RNF213: variants seen among roughly 807,000 people sequenced by gnomAD.
RNF213 encodes E3 ubiquitin-protein ligase RNF213.
A neutral mutation model predicts 514.4 loss-of-function variants in RNF213; 341 were observed. That is an observed-to-expected ratio of 0.66 (90% CI 0.61 to 0.73). The LOEUF is 0.73. Among genes scored for constraint, RNF213 ranks in the 30% least tolerant of loss-of-function variants. RNF213 has a pLI of 0.00. For missense variants in RNF213, 5,767 were observed against 6,615.6 expected (o/e 0.87, Z 4.45); for synonymous variants, 2,655 against 2,658.2 (o/e 1.00, Z 0.04).
chr17:80,385,269 G>T, intron 60 of RNF213, 98 bp downstream of exon 60: 1 of 1,405,004 alleles, frequency 7.1e-7, no homozygotes, highest in African/African-American at 1.4e-5. Flanking sequence ...GGGAGGAGGC[G>T]CTGATGGGTG....
rs372461542 is a variant in RNF213 at position 80,308,998 on chromosome 17, C to G, written c.2502-20C>G. ...CTCCTAAATCCTTGCCGGGATTTCT[C>G]TTAACTCTTTGCGGGGCAGGATTCC... On this transcript the variant is annotated intron_variant, in intron 13 of 67. Coordinates refer to ENST00000582970, the MANE Select transcript of RNF213 (RefSeq NM_001256071.3). The G allele has an allele frequency of 4.2e-5, 68 of 1,613,424 alleles. No homozygotes were observed. The highest frequency in any genetic ancestry group is 5.6e-5 in the Non-Finnish European group (66 of 1,179,930).
At chr17:80,383,994 C>T (rs1555680156) in intron 59 of RNF213, 66 bp downstream of exon 59, 2 of 1,590,928 alleles carry the variant, frequency 1.3e-6, no homozygotes, top group Non-Finnish European at 1.7e-6. Context: ...GCCTGAAGGC[C>T]CTGGGCTTTT....
At chr17:80,283,394 C>T (rs138036703) in intron 3 of RNF213, among the ~76,000 whole-genome samples, 19 of 152,316 alleles carry the variant, frequency 1.2e-4, no homozygotes, top group African/African-American at 3.6e-4. Flanking sequence ...TCTGGGATGG[C>T]GGCTTGAGGG....
intron 44 of RNF213, 71 bp downstream of exon 44, chr17:80,368,214 A>G: frequency 6.6e-7 from 1 of 1,517,696 alleles, no homozygotes. Context: ...CAATATTCAG[A>G]AATATAAACT....
chr17:80,301,620 T>C, intron 11 of RNF213, among the ~76,000 whole-genome samples: 1 of 152,168 alleles, frequency 6.6e-6, no homozygotes, highest in Non-Finnish European at 1.5e-5. Context: ...TTAGAATAGC[T>C]GTGATCAAAA....
intron 16 of RNF213, 94 bp from the exon 17 acceptor site, chr17:80,319,096 A>G: frequency 1.2e-6 from 2 of 1,610,626 alleles, no homozygotes; most frequent in African/African-American, 2.7e-5. Context: ...GTAAAACAGC[A>G]GGAAAGTAAA....
intron 23 of RNF213, 74 bp from the exon 24 acceptor site, chr17:80,337,512 G>T: frequency 2.7e-6 from 4 of 1,507,362 alleles, no homozygotes; most frequent in Non-Finnish European, 3.5e-6. Flanking sequence ...GAGGCGGGAG[G>T]CCGACCACAG....
Position 80,353,318 on chromosome 17 carries a change from C to G in RNF213, c.10424-194C>G, listed in dbSNP as rs2078601104. On this transcript the variant is annotated intron_variant, in intron 33 of 67. Transcript: ENST00000582970. The surrounding 1 kb of genome is among the most constrained non-coding windows in gnomAD (Gnocchi z 5.0). ...TGAGCACCTAGAACACGCCAGAGCCCAGGCTGGAAGGAAGGGGCTGCCTTG... is the reference window on the plus strand; with the variant it reads ...TGAGCACCTAGAACACGCCAGAGCCGAGGCTGGAAGGAAGGGGCTGCCTTG... The G allele has an allele frequency of 3.8e-6, 3 of 799,288 alleles. No homozygotes were observed. 49.5% of individuals were successfully genotyped at this position (799,288 alleles called of 1,614,324 possible).
At position 80,390,065 on chromosome 17, in the gene RNF213, T is replaced by G; in HGVS notation, c.15339T>G (p.Asn5113Lys). 2.5e-6 allele frequency: 4 copies of G among 1,614,192 alleles called. No individual in the cohort carries two copies. Among genetic ancestry groups the G allele is most frequent in the Non-Finnish European group, 2.5e-6 (3 of 1,180,024 alleles). ...ACAAAGCGGATCTGAGCCCGGAAAATGCTAAGCTCCTCAGCACATTCCTAA... is the reference window on the plus strand; with the variant it reads ...ACAAAGCGGATCTGAGCCCGGAAAAGGCTAAGCTCCTCAGCACATTCCTAA... ...SRYKADLSPE[N>K]AKLLSTFLNQ... Residue 5113 changes from asparagine to lysine, a missense_variant, in exon 67 of 68, where the codon AAT becomes AAG. By Grantham distance (94) the Asn-to-Lys change is moderately conservative. Transcript: ENST00000582970.
At chr17:80,390,347 T>C (rs2080414881) in intron 67 of RNF213, 151 bp downstream of exon 67, 1 of 859,298 alleles carries the variant, frequency 1.2e-6, no homozygotes, top group African/African-American at 1.7e-5. Context: ...GACTGGCTTT[T>C]TGGTTTTAAT....
At chr17:80,313,710 A>G (rs57282254) in intron 15 of RNF213, among the ~76,000 whole-genome samples, 86 of 44,534 alleles carry the variant, frequency 1.9e-3, no homozygotes, top group South Asian at 5.0e-3. Context: ...GATGGTGGTG[A>G]TGGAGGTGGT....
chr17:80,332,903 A>G (rs1320455888), intron 21 of RNF213, among the ~76,000 whole-genome samples: 1 of 152,192 alleles, frequency 6.6e-6, no homozygotes, highest in Non-Finnish European at 1.5e-5. Context: ...TCCTCTTTTC[A>G]TAACGGGCAT....
In RNF213 at chr17:80,317,292, G is replaced by C; in HGVS notation, c.2901+15G>C. ...GGCTCACAAAGGTACCAAAAGTTTG[G>C]GGGCAGTCTTTTCAGGGCGTGAAGG... On this transcript the variant is annotated intron_variant, in intron 16 of 67. Coordinates refer to ENST00000582970, the MANE Select transcript of RNF213 (RefSeq NM_001256071.3). This position sits in a 1 kb window ranked among gnomAD's most constrained non-coding sequence, Gnocchi z 4.1. 6.2e-7 allele frequency: 1 copy of C among 1,610,304 alleles called. No individual in the cohort carries two copies. Among genetic ancestry groups the C allele is most frequent in the Non-Finnish European group, 8.5e-7 (1 of 1,178,888 alleles).
intron 59 of RNF213, 53 bp downstream of exon 59, chr17:80,383,981 C>T (rs1343966830): frequency 6.2e-7 from 1 of 1,610,374 alleles, no homozygotes; most frequent in African/African-American, 1.3e-5. Context: ...AGTTCCCCAG[C>T]AGGCCTGAAG....
rs1178137029 is a variant in RNF213, at chr17:80,354,629, G to A, written c.10862+53G>A. 4 of 1,606,092 alleles carry A rather than the reference G, an allele frequency of 2.5e-6. No individual in the cohort carries two copies. In the African/African-American group the frequency reaches 4.0e-5, roughly 16 times the overall value. The stretch of plus-strand genomic sequence containing the variant: ...GGCTCCAATCTGGTGGCAGCATGGG[G>A]ACCTGCCTGCAGGGATCCTCTCTCC... On this transcript the variant is annotated intron_variant, in intron 36 of 67. Coordinates refer to ENST00000582970, the MANE Select transcript of RNF213 (RefSeq NM_001256071.3).
Position 80,337,455 on chromosome 17 carries a change from G to A in RNF213, c.4528-131G>A, listed in dbSNP as rs74524090. 1,796 of 1,257,094 alleles carry A rather than the reference G, an allele frequency of 1.4e-3. 36 individuals carry two copies. In the East Asian group the frequency reaches 0.034, roughly 24 times the overall value. The allele number at this position is 1,257,094 out of a possible 1,614,324, so 77.9% of individuals were successfully genotyped here. A position where few individuals can be genotyped will look rare whatever the true frequency, so the allele number is the denominator to read the frequency against. On this transcript the variant is annotated intron_variant, in intron 23 of 67. Transcript: ENST00000582970. The stretch of plus-strand genomic sequence containing the variant: ...GCTGGGGCGCTGGGTGGGCGACTGC[G>A]TCCTGAGCCCTGGGGAAGCGTGGGG...
In RNF213 at chr17:80,381,567, G is replaced by T. The variant is rs1269346820; in HGVS notation, c.13818G>T (p.Lys4606Asn). ...QSSQALINII[K>N]PPVRDPKGFL... ...CACAGGCTCTGATAAACATCATTAA[G>T]CCTCCAGTGAGGGATCCAAAAGGCT... is the stretch of plus-strand genomic sequence containing the variant. The change falls in exon 57 of 68, where the codon AAG (lysine) becomes AAT (asparagine). Residue 4606 changes from lysine (K) to asparagine (N), a missense_variant. Coordinates refer to ENST00000582970, the MANE Select transcript of RNF213 (RefSeq NM_001256071.3). 1.2e-6 allele frequency: 2 copies of T among 1,614,198 alleles called. No individual in the cohort carries two copies. Among genetic ancestry groups the T allele is most frequent in the Non-Finnish European group, 1.7e-6 (2 of 1,180,028 alleles).
chr17:80,281,834 C>G (rs1239448421), intron 3 of RNF213, among the ~76,000 whole-genome samples: 2 of 152,152 alleles, frequency 1.3e-5, no homozygotes, highest in Non-Finnish European at 2.9e-5. Context: ...TAACCCACAG[C>G]ATCCGCCTGT....
Position 80,346,620 on chromosome 17 carries a change from A to T in RNF213, c.8285A>T (p.Lys2762Met). The part of the protein sequence containing the change: ...VFMMVVCIEL[K>M]IPLFLVGKPG... ...ATGATGGTCGTCTGCATCGAGCTGA[A>T]GATTCCCCTCTTCCTGGTGGGGAAG... Residue 2762 changes from lysine to methionine, a missense_variant, in exon 29 of 68, where the codon AAG becomes ATG. Coordinates refer to ENST00000582970, the MANE Select transcript of RNF213 (RefSeq NM_001256071.3). This position sits in a 1 kb window ranked among gnomAD's most constrained non-coding sequence, Gnocchi z 8.1. 6.2e-7 allele frequency: 1 copy of T among 1,613,042 alleles called. No homozygotes were observed. Among genetic ancestry groups the T allele is most frequent in the Non-Finnish European group, 8.5e-7 (1 of 1,180,020 alleles).
Sources: allele counts gnomAD v4.1 joint callset (sites outside exome capture counted in the v4.1 genomes callset), GRCh38; gene constraint gnomAD v4.1.1; non-coding constraint Gnocchi (gnomAD v3.1); transcripts MANE v1.5; gene names NCBI Gene and HGNC (gene_info 2026-07-23, HGNC 2026-07-21).